Variants in EPG5 observed in about 807,000 individuals in gnomAD.
EPG5 encodes ectopic P-granules 5 autophagy tethering factor, also known as ectopic P granules protein 5 homolog.
A neutral mutation model predicts 302.7 loss-of-function variants in EPG5; 159 were observed. The ratio of observed to expected loss-of-function variants is 0.53; its 90% confidence interval spans 0.46 to 0.60. The LOEUF (loss-of-function observed/expected upper bound fraction) is 0.60. Ranked by LOEUF, EPG5 falls within the 20% of genes least tolerant of loss-of-function variation. EPG5 has a pLI of 0.00. For missense variants in EPG5, 2,896 were observed against 3,092.4 expected (o/e 0.94, Z 1.51); for synonymous variants, 1,158 against 1,136.8 (o/e 1.02, Z -0.37).
intron 41 of EPG5, among the ~76,000 whole-genome samples, chr18:45,858,331 A>G (rs527826305): frequency 6.6e-6 from 1 of 152,344 alleles, no homozygotes; most frequent in African/African-American, 2.4e-5. Flanking sequence ...TCTCCACTTA[A>G]CTGGTAAGGA....
At chr18:45,901,766 C>T (rs1282473116) in intron 25 of EPG5, among the ~76,000 whole-genome samples, 1 of 116,210 alleles carries the variant, frequency 8.6e-6, no homozygotes, top group Non-Finnish European at 1.6e-5. Flanking sequence ...AATCCTGTGC[C>T]ACACACACAC....
the EPG5 span, among the ~76,000 whole-genome samples, chr18:45,821,258 G>T: frequency 1.3e-5 from 2 of 152,202 alleles, no homozygotes; most frequent in Admixed American, 1.3e-4. Flanking sequence ...GAAGCACTGT[G>T]AGAAATCCAT....
chr18:45,835,824 A>G, the EPG5 span, among the ~76,000 whole-genome samples: 2 of 152,148 alleles, frequency 1.3e-5, no homozygotes, highest in African/African-American at 2.4e-5. Context: ...ACACACCTGG[A>G]GCCCCCAGGC....
At chr18:45,826,104 T>C in the EPG5 span, among the ~76,000 whole-genome samples, 3 of 152,148 alleles carry the variant, frequency 2.0e-5, no homozygotes, top group Non-Finnish European at 4.4e-5. Context: ...TCACAGGCTC[T>C]GAACAAGCTT....
In EPG5 at chr18:45,934,813, G is replaced by A; in HGVS notation, c.2253C>T (p.Leu751=). 6.2e-7 allele frequency: 1 copy of A among 1,612,468 alleles called. No individual in the cohort carries two copies. The highest frequency in any genetic ancestry group is 1.1e-5 in the South Asian group (1 of 90,816). The change falls in exon 11 of 44, where the codon CTC becomes CTT. Residue 751 remains leucine, a synonymous_variant. Coordinates refer to ENST00000282041, the MANE Select transcript of EPG5 (RefSeq NM_020964.3). ...SLQPAQCKQQ[L]QDPEHFTNFE... ...GACTGCTCGGCGGGGCTGTACCTTG[G>A]AGCTGCTGCTTGCACTGGGCGGGCT...
intron 22 of EPG5, 62 bp from the exon 23 acceptor site, chr18:45,910,804 T>A (rs563150131): frequency 7.4e-7 from 1 of 1,346,558 alleles, no homozygotes; most frequent in Admixed American, 2.0e-5. Context: ...CTGTATGGCA[T>A]AAAATAGCAG....
At position 45,880,228 on chromosome 18, in the gene EPG5, C is replaced by T; in HGVS notation, c.5519-5G>A. On this transcript the variant is annotated splice_polypyrimidine_tract_variant and splice_region_variant and intron_variant, in intron 31 of 43. Coordinates refer to ENST00000282041, the MANE Select transcript of EPG5 (RefSeq NM_020964.3). ...TCAGAAGCTGCTCCGCGGAGCCTGC[C>T]AGCAGGGACAGGAAGAGCAAGTCAG... The T allele has an allele frequency of 6.3e-7, 1 of 1,582,328 alleles. No homozygotes were observed. Among genetic ancestry groups the T allele is most frequent in the Non-Finnish European group, 8.6e-7 (1 of 1,163,074 alleles).
chr18:45,888,014 C>G, intron 28 of EPG5, 107 bp from the exon 29 acceptor site: 1 of 818,296 alleles, frequency 1.2e-6, no homozygotes, highest in Non-Finnish European at 1.8e-6. Flanking sequence ...TAAGAATCCT[C>G]AGAGCACCCA....
chr18:45,861,785 G>A (rs553381297), intron 39 of EPG5, among the ~76,000 whole-genome samples: 7 of 152,104 alleles, frequency 4.6e-5, no homozygotes, highest in African/African-American at 9.6e-5. Context: ...GCAGAATGTC[G>A]TTTCAAGGGT....
At chr18:45,949,637 A>G in intron 4 of EPG5, 46 bp from the exon 5 acceptor site, 1 of 1,310,138 alleles carries the variant, frequency 7.6e-7, no homozygotes, top group South Asian at 1.2e-5. Context: ...AATAAAAGAA[A>G]TAATTTATCT....
At chr18:45,816,816 C>T in the EPG5 span, among the ~76,000 whole-genome samples, 10 of 152,122 alleles carry the variant, frequency 6.6e-5, no homozygotes, top group Admixed American at 2.6e-4. Context: ...TACTTGCACA[C>T]GCATGTTTAT....
At chr18:45,868,600 C>T (rs1253511183) in intron 36 of EPG5, among the ~76,000 whole-genome samples, 1 of 151,214 alleles carries the variant, frequency 6.6e-6, no homozygotes, top group Non-Finnish European at 1.5e-5. Context: ...AACCCCCAGC[C>T]TCAGGTGATC....
intron 1 of EPG5, among the ~76,000 whole-genome samples, chr18:45,965,737 T>C (rs914250366): frequency 6.6e-6 from 1 of 152,230 alleles, no homozygotes; most frequent in Non-Finnish European, 1.5e-5. Context: ...GGGAGCAGCA[T>C]TTAATCTGTT....
chr18:45,877,156 G>C (rs931718521), intron 34 of EPG5, among the ~76,000 whole-genome samples: 1 of 152,096 alleles, frequency 6.6e-6, no homozygotes, highest in Non-Finnish European at 1.5e-5. Flanking sequence ...CAGCACTTTG[G>C]GAGGCAGAAG....
chr18:45,898,000 A>G (rs1555670892), intron 27 of EPG5, among the ~76,000 whole-genome samples: 1 of 152,242 alleles, frequency 6.6e-6, no homozygotes, highest in Non-Finnish European at 1.5e-5. Flanking sequence ...CTAATCTCCA[A>G]GCATTTCTCT....
intron 16 of EPG5, among the ~76,000 whole-genome samples, chr18:45,919,904 C>T (rs1213887086): frequency 6.6e-6 from 1 of 152,164 alleles, no homozygotes. Flanking sequence ...GTACAGGAAG[C>T]CGTTAATAAC....
At chr18:45,845,388 C>T (rs1437577485), downstream of EPG5, among the ~76,000 whole-genome samples, 4 of 152,166 alleles carry the variant, frequency 2.6e-5, no homozygotes, top group Non-Finnish European at 4.4e-5. Flanking sequence ...CAGCCCCCAG[C>T]TTGGCCTCCT....
At chr18:45,898,605 C>T (rs970996506) in intron 27 of EPG5, among the ~76,000 whole-genome samples, 2 of 152,202 alleles carry the variant, frequency 1.3e-5, no homozygotes, top group African/African-American at 4.8e-5. Flanking sequence ...TTCCACCCAA[C>T]TAATCTGCTT....
intron 1 of EPG5, among the ~76,000 whole-genome samples, chr18:45,958,891 C>T (rs948794591): frequency 1.3e-5 from 2 of 152,184 alleles, no homozygotes; most frequent in Non-Finnish European, 2.9e-5. Flanking sequence ...ACTGGTTCAT[C>T]TGATCTTGTG....
Sources: gnomAD v4.1 joint callset for allele counts (sites outside exome capture counted in the v4.1 genomes callset) on GRCh38, gnomAD v4.1.1 for gene constraint, MANE v1.5 for transcripts, NCBI Gene and HGNC (gene_info 2026-07-23, HGNC 2026-07-21) for gene names.